The following ARHGAP24 variants were observed in gnomAD, a reference collection of about 807,000 sequenced individuals.
ARHGAP24 encodes the protein Rho GTPase activating protein 24.
Under a neutral mutation model 76.4 loss-of-function variants are expected in ARHGAP24, and 50 were observed. That is an observed-to-expected ratio of 0.65 (90% CI 0.52 to 0.83). The LOEUF is 0.83. Among genes scored for constraint, ARHGAP24 ranks in the 40% least tolerant of loss-of-function variants. The pLI, the probability that ARHGAP24 is intolerant of heterozygous loss-of-function variation, is 0.00. For synonymous variants in ARHGAP24, 345 were observed against 323.3 expected, an observed-to-expected ratio of 1.07 and a Z score of -0.72; for missense variants, 930 against 914.2, an observed-to-expected ratio of 1.02 and a Z score of -0.22.
intron 2 of ARHGAP24, among the ~76,000 whole-genome samples, chr4:85,681,716 A>C (rs1009911556): frequency 2.0e-5 from 3 of 152,254 alleles, no homozygotes; most frequent in African/African-American, 7.2e-5. Flanking sequence ...ACAGTTCTTC[A>C]TGCAGGATCC....
intron 2 of ARHGAP24, among the ~76,000 whole-genome samples, chr4:85,677,353 A>C (rs1156362104): frequency 6.6e-6 from 1 of 152,166 alleles, no homozygotes; most frequent in Non-Finnish European, 1.5e-5. Context: ...CAAGTTTGCT[A>C]CCCAACCTAG....
intron 2 of ARHGAP24, among the ~76,000 whole-genome samples, chr4:85,696,977 A>G (rs1723891632): frequency 6.6e-6 from 1 of 152,204 alleles, no homozygotes; most frequent in Non-Finnish European, 1.5e-5. Context: ...ATGGAGTGAT[A>G]GTGGGATATA....
intron 1 of ARHGAP24, among the ~76,000 whole-genome samples, chr4:85,515,570 A>G (rs549394723): frequency 6.5e-4 from 99 of 152,028 alleles, no homozygotes; most frequent in African/African-American, 2.2e-3. Flanking sequence ...CTCTTTTTCA[A>G]TTGACCATAT....
At chr4:85,563,069 A>G (rs1267978614) in intron 1 of ARHGAP24, among the ~76,000 whole-genome samples, 1 of 152,176 alleles carries the variant, frequency 6.6e-6, no homozygotes, top group East Asian at 1.9e-4. Context: ...AATCAAGTTC[A>G]GTATAAACTG....
chr4:85,481,808 G>A (rs1722826869), intron 1 of ARHGAP24, among the ~76,000 whole-genome samples: 1 of 152,188 alleles, frequency 6.6e-6, no homozygotes, highest in Non-Finnish European at 1.5e-5. Context: ...AACAAAAAAG[G>A]ATGATTTCTT....
At chr4:85,579,379 T>C (rs1346252314) in intron 2 of ARHGAP24, among the ~76,000 whole-genome samples, 1 of 152,028 alleles carries the variant, frequency 6.6e-6, no homozygotes, top group East Asian at 1.9e-4. Context: ...TGAGTAAAAA[T>C]ATAATTTGAA....
chr4:85,988,562 G>A (rs1432892415), intron 8 of ARHGAP24, among the ~76,000 whole-genome samples: 1 of 150,708 alleles, frequency 6.6e-6, no homozygotes, highest in Non-Finnish European at 1.5e-5. Flanking sequence ...TGAGGTATTA[G>A]GTAATAAGCC....
intron 3 of ARHGAP24, among the ~76,000 whole-genome samples, chr4:85,918,400 T>C (rs972540711): frequency 2.0e-5 from 3 of 151,908 alleles, no homozygotes; most frequent in African/African-American, 4.8e-5. Context: ...TAGTATACTA[T>C]TTTTAATATT....
At chr4:85,813,341 T>G (rs1729091775) in intron 3 of ARHGAP24, among the ~76,000 whole-genome samples, 1 of 151,828 alleles carries the variant, frequency 6.6e-6, no homozygotes, top group Non-Finnish European at 1.5e-5. Context: ...TAATGGGGGG[T>G]GGAGGGAAAA....
intron 2 of ARHGAP24, among the ~76,000 whole-genome samples, chr4:85,717,363 C>T (rs2110039571): frequency 6.6e-6 from 1 of 152,192 alleles, no homozygotes; most frequent in South Asian, 2.1e-4. Context: ...CTTGACCTTA[C>T]CCTCTTATAT....
intron 2 of ARHGAP24, among the ~76,000 whole-genome samples, chr4:85,641,220 G>C (rs764752345): frequency 6.6e-6 from 1 of 152,156 alleles, no homozygotes. Context: ...GCTCAGCCTT[G>C]CGCGTAGTGG....
chr4:85,742,227 C>CT (rs1478233548), intron 3 of ARHGAP24, among the ~76,000 whole-genome samples: 1 of 152,166 alleles, frequency 6.6e-6, no homozygotes, highest in Non-Finnish European at 1.5e-5. Flanking sequence ...GGCCAAAAGT[C>CT]TGCTTTCTCC....
Position 85,972,033 on chromosome 4 carries a change from C to T in ARHGAP24, c.600-3C>T. 1 of 1,614,048 alleles carries T rather than the reference C, an allele frequency of 6.2e-7. No homozygotes were observed. On this transcript the variant is annotated splice_polypyrimidine_tract_variant and splice_region_variant and intron_variant, in intron 5 of 9. Transcript: ENST00000395184. ...GAATATCTTCACACTTCTGTCTCCACAGCAACACAGATGTACACACGGTGG... is the reference window on the plus strand; with the variant it reads ...GAATATCTTCACACTTCTGTCTCCATAGCAACACAGATGTACACACGGTGG...
At chr4:85,957,212 A>G (rs971733764) in intron 5 of ARHGAP24, among the ~76,000 whole-genome samples, 2 of 152,186 alleles carry the variant, frequency 1.3e-5, no homozygotes, top group Non-Finnish European at 2.9e-5. Flanking sequence ...AGCCATTTCC[A>G]TATAACGCCT....
At chr4:85,654,052 C>A (rs1376995426) in intron 2 of ARHGAP24, among the ~76,000 whole-genome samples, 2 of 152,058 alleles carry the variant, frequency 1.3e-5, no homozygotes, top group South Asian at 4.1e-4. Context: ...ATACACTAGT[C>A]ATTTAAACAC....
chr4:85,636,553 AT>A (rs1721313817), intron 2 of ARHGAP24, among the ~76,000 whole-genome samples: 1 of 151,446 alleles, frequency 6.6e-6, no homozygotes, highest in Admixed American at 6.7e-5. Flanking sequence ...TGTTGGGAAT[AT>A]TACACACACA....
chr4:85,787,563 G>A (rs1727908142), intron 3 of ARHGAP24, among the ~76,000 whole-genome samples: 2 of 152,030 alleles, frequency 1.3e-5, no homozygotes, highest in South Asian at 4.1e-4. Context: ...CAGCTTTTGA[G>A]TTTCAAAAAA....
intron 5 of ARHGAP24, among the ~76,000 whole-genome samples, chr4:85,954,746 G>A (rs764007169): frequency 5.9e-5 from 9 of 152,188 alleles, no homozygotes; most frequent in South Asian, 2.1e-4. Context: ...AGTGTCTCAC[G>A]CCTGTAATCC....
intron 2 of ARHGAP24, among the ~76,000 whole-genome samples, chr4:85,715,355 T>G (rs141239434): frequency 6.6e-6 from 1 of 152,088 alleles, no homozygotes; most frequent in South Asian, 2.1e-4. Context: ...TTTGGGGATT[T>G]GCAAAATATG....
Sources: allele counts gnomAD v4.1 joint callset (sites outside exome capture counted in the v4.1 genomes callset), GRCh38; gene constraint gnomAD v4.1.1; transcripts MANE v1.5; gene names NCBI Gene and HGNC (gene_info 2026-07-23, HGNC 2026-07-21).